Variants in CDK14 observed in about 807,000 individuals in gnomAD.
The protein encoded by CDK14 is cyclin-dependent kinase 14.
A neutral mutation model predicts 60.7 loss-of-function variants in CDK14; 34 were observed. That is an observed-to-expected ratio of 0.56 (90% CI 0.43 to 0.75). The LOEUF is 0.75. Ranked by LOEUF, CDK14 falls within the 30% of genes least tolerant of loss-of-function variation. The pLI, the probability that CDK14 is intolerant of heterozygous loss-of-function variation, is 0.00. For synonymous variants in CDK14, 197 were observed against 203.7 expected (o/e 0.97, Z 0.28); for missense variants, 482 against 564.1 (o/e 0.85, Z 1.47).
intron 5 of CDK14, among the ~76,000 whole-genome samples, chr7:90,855,422 A>G (rs1295534548): frequency 1.3e-5 from 2 of 152,218 alleles, no homozygotes; most frequent in South Asian, 4.1e-4. Flanking sequence ...ATTCACTTGT[A>G]ATAAAAACTT....
intron 10 of CDK14, among the ~76,000 whole-genome samples, chr7:91,004,140 A>G (rs899336788): frequency 2.0e-5 from 3 of 152,228 alleles, no homozygotes; most frequent in African/African-American, 7.2e-5. Context: ...GCAAGCAGAA[A>G]GAACAAAATG....
chr7:91,104,618 C>T (rs1213032916), intron 12 of CDK14, among the ~76,000 whole-genome samples: 1 of 152,162 alleles, frequency 6.6e-6, no homozygotes. Context: ...CTCCCTCCAG[C>T]CTATGTCAAA....
chr7:90,633,836 T>G (rs1800063867), intron 2 of CDK14, among the ~76,000 whole-genome samples: 1 of 152,186 alleles, frequency 6.6e-6, no homozygotes, highest in Non-Finnish European at 1.5e-5. Flanking sequence ...GTAAACTAAA[T>G]CAGTCTACAA....
chr7:90,928,208 C>T (rs953984203), intron 8 of CDK14, among the ~76,000 whole-genome samples: 8 of 152,186 alleles, frequency 5.3e-5, no homozygotes, highest in Admixed American at 2.0e-4. Context: ...CGTCTGAAGC[C>T]TTCTTCTTTC....
chr7:90,875,823 C>G (rs1385729308), intron 6 of CDK14, among the ~76,000 whole-genome samples: 1 of 151,868 alleles, frequency 6.6e-6, no homozygotes, highest in African/African-American at 2.4e-5. Context: ...CTTTGTGTTT[C>G]ACATATTCTA....
intron 5 of CDK14, among the ~76,000 whole-genome samples, chr7:90,797,554 A>T (rs865881380): frequency 6.6e-6 from 1 of 151,956 alleles, no homozygotes; most frequent in Non-Finnish European, 1.5e-5. Context: ...TAGTAACCCT[A>T]CGTATTAATC....
chr7:90,785,762 G>A (rs1284264020), intron 4 of CDK14, among the ~76,000 whole-genome samples: 2 of 144,046 alleles, frequency 1.4e-5, no homozygotes, highest in Non-Finnish European at 3.0e-5. Flanking sequence ...ACCCCAGCCT[G>A]GGCGGCTGAG....
At chr7:90,785,786 CAAAAAAAAAA>C (rs34034860) in intron 4 of CDK14, among the ~76,000 whole-genome samples, 1 of 45,958 alleles carries the variant, frequency 2.2e-5, no homozygotes, top group African/African-American at 8.8e-5. Context: ...GACTCCGTCT[CAAAAAAAAAA>C]AAAAAAAAAA....
rs994082578 is a variant in CDK14 at position 91,120,843 on chromosome 7, A to G, written c.*28+2635A>G. 2.6e-5 allele frequency among the ~76,000 whole-genome samples: 4 copies of G among 151,974 alleles called. 1 individual carries two copies. In the East Asian group the frequency reaches 5.9e-4, roughly 22 times the overall value. ...TGAGTCACCGCGCCTGGCCCAATAAAGCTTTAATATTATTGTTGGTGTAGT... is the reference window on the plus strand; with the variant it reads ...TGAGTCACCGCGCCTGGCCCAATAAGGCTTTAATATTATTGTTGGTGTAGT... On this transcript the variant is annotated intron_variant, in intron 14 of 14. Coordinates refer to ENST00000380050, the MANE Select transcript of CDK14 (RefSeq NM_001287135.2).
intron 9 of CDK14, among the ~76,000 whole-genome samples, chr7:90,961,660 A>G (rs1021271342): frequency 3.3e-5 from 5 of 152,230 alleles, no homozygotes; most frequent in Admixed American, 3.3e-4. Flanking sequence ...GTTCTTGAGA[A>G]CTGCTCAAAT....
chr7:90,914,644 A>T (rs1241614501), intron 7 of CDK14, among the ~76,000 whole-genome samples: 1 of 152,042 alleles, frequency 6.6e-6, no homozygotes, highest in Non-Finnish European at 1.5e-5. Flanking sequence ...GTATAGTGGC[A>T]TTTTTTTCTC....
intron 14 of CDK14, among the ~76,000 whole-genome samples, chr7:91,143,987 A>G (rs750348688): frequency 1.3e-5 from 2 of 152,184 alleles, no homozygotes; most frequent in Non-Finnish European, 2.9e-5. Flanking sequence ...TTTTTATTCT[A>G]TCTTCTGACA....
intron 2 of CDK14, among the ~76,000 whole-genome samples, chr7:90,646,201 A>C (rs1263632999): frequency 6.6e-6 from 1 of 152,128 alleles, no homozygotes; most frequent in Non-Finnish European, 1.5e-5. Context: ...TGTTCATCTT[A>C]TGGAAGCCTC....
chr7:90,746,744 T>C (rs1803607283), intron 3 of CDK14, among the ~76,000 whole-genome samples: 1 of 152,166 alleles, frequency 6.6e-6, no homozygotes, highest in South Asian at 2.1e-4. Context: ...ACAATAAGAT[T>C]GATGAGGTCA....
At chr7:90,749,206 C>T (rs1472155487) in intron 4 of CDK14, among the ~76,000 whole-genome samples, 1 of 152,192 alleles carries the variant, frequency 6.6e-6, no homozygotes, top group African/African-American at 2.4e-5. Flanking sequence ...CCGGGCAGAT[C>T]TCCAGGCCTT....
At chr7:91,148,566 C>T (rs898209733) in intron 14 of CDK14, among the ~76,000 whole-genome samples, 50 of 152,080 alleles carry the variant, frequency 3.3e-4, no homozygotes, top group African/African-American at 1.1e-3. Flanking sequence ...ACAGCCTGAC[C>T]TAGATGTTTA....
chr7:91,204,850 G>A (rs1474818777), intron 14 of CDK14, among the ~76,000 whole-genome samples: 3 of 152,088 alleles, frequency 2.0e-5, no homozygotes, highest in Non-Finnish European at 4.4e-5. Flanking sequence ...GGGAGGCTGT[G>A]GTGGGAGGAT....
intron 5 of CDK14, among the ~76,000 whole-genome samples, chr7:90,819,634 T>G (rs12531888): frequency 6.6e-6 from 1 of 152,010 alleles, no homozygotes; most frequent in Non-Finnish European, 1.5e-5. Context: ...AGATTTTAAA[T>G]CATGTAAAAT....
intron 14 of CDK14, among the ~76,000 whole-genome samples, chr7:91,192,291 T>C (rs1169634857): frequency 6.6e-6 from 1 of 152,104 alleles, no homozygotes; most frequent in Non-Finnish European, 1.5e-5. Flanking sequence ...GAACAGCAGA[T>C]AGAAAACCAT....
Sources: allele counts gnomAD v4.1 joint callset (sites outside exome capture counted in the v4.1 genomes callset), GRCh38; gene constraint gnomAD v4.1.1; transcripts MANE v1.5; gene names NCBI Gene and HGNC (gene_info 2026-07-23, HGNC 2026-07-21).